SLC1A2: variants seen among roughly 807,000 people sequenced by gnomAD.
The protein encoded by SLC1A2 is excitatory amino acid transporter 2.
Under a neutral mutation model 48.8 loss-of-function variants are expected in SLC1A2, and 15 were observed. The ratio of observed to expected loss-of-function variants is 0.31; its 90% CI spans 0.21 to 0.47. The LOEUF (loss-of-function observed/expected upper bound fraction) is 0.47. SLC1A2 is among the 20% of genes least tolerant of loss of function. The probability of loss-of-function intolerance (pLI) is 0.99; values close to 1 mark genes in which losing one functional copy is unlikely to be tolerated. For synonymous variants in SLC1A2, 279 were observed against 272.6 expected, an observed-to-expected ratio of 1.02 and a Z score of -0.23; for missense variants, 502 against 730.5, an observed-to-expected ratio of 0.69 and a Z score of 3.61.
chr11:35,286,099 A>G (rs1254043308), intron 8 of SLC1A2: 1 of 152,226 alleles, frequency 6.6e-6, no homozygotes, highest in African/African-American at 2.4e-5. Context: ...CTTTAAGTTT[A>G]TGGTGAGGCA....
At chr11:35,385,076 G>C (rs1854544739) in intron 1 of SLC1A2, among the ~76,000 whole-genome samples, 1 of 152,196 alleles carries the variant, frequency 6.6e-6, no homozygotes, top group African/African-American at 2.4e-5. Context: ...ACTATATCTG[G>C]AGAATACAAT....
intron 1 of SLC1A2, among the ~76,000 whole-genome samples, chr11:35,389,140 A>G (rs113581003): frequency 5.5e-5 from 6 of 109,724 alleles, no homozygotes; most frequent in Non-Finnish European, 1.3e-4. Context: ...AAACTGAGGG[A>G]AAAAAAATAT....
At chr11:35,327,282 T>C (rs1273881450) in intron 1 of SLC1A2, among the ~76,000 whole-genome samples, 1 of 149,792 alleles carries the variant, frequency 6.7e-6, no homozygotes, top group Non-Finnish European at 1.5e-5. Context: ...AATTAAATTA[T>C]GGTGTTAGAA....
intron 8 of SLC1A2, among the ~76,000 whole-genome samples, chr11:35,281,297 C>T (rs1035249082): frequency 3.9e-5 from 6 of 152,182 alleles, no homozygotes; most frequent in African/African-American, 7.2e-5. Flanking sequence ...ATAAGGCAAG[C>T]GTGGCTCTAA....
chr11:35,415,296 A>G lies in SLC1A2; in HGVS notation c.17+3654T>C, dbSNP rs182670389. ...TGTCTTTTGGTTTTTAATAACATGG[A>G]GTTTCTGCCTCACAAGTTTCATCTG... On this transcript the variant is annotated intron_variant, in intron 1 of 10. Transcript: ENST00000278379. Among the ~76,000 whole-genome samples the G allele has an allele frequency of 1.4e-3, 207 of 152,342 alleles. 1 individual carries two copies. Among genetic ancestry groups the G allele is most frequent in the Admixed American group, 2.4e-3 (36 of 15,308 alleles).
intron 1 of SLC1A2, among the ~76,000 whole-genome samples, chr11:35,401,602 C>T (rs745643588): frequency 1.3e-4 from 20 of 152,128 alleles, no homozygotes; most frequent in Non-Finnish European, 2.4e-4. Context: ...CACTCCGTTG[C>T]TTGGGGAGCT....
At position 35,385,896 on chromosome 11, in the gene SLC1A2, G is replaced by A. The variant is rs77806165; in HGVS notation, c.17+33054C>T. 0.013 allele frequency among the ~76,000 whole-genome samples: 1,913 copies of A among 152,246 alleles called. 94 individuals carry two copies. The East Asian group carries it at 0.16, about 13-fold the overall frequency. ...AAAATAATGACAGTTGGCCCGGCGCGGTGGCTCAAGCCTGTAATCCCAGCA... is the reference window on the plus strand; with the variant it reads ...AAAATAATGACAGTTGGCCCGGCGCAGTGGCTCAAGCCTGTAATCCCAGCA... On this transcript the variant is annotated intron_variant, in intron 1 of 10. Transcript: ENST00000278379.
chr11:35,282,888 G>A (rs1177620313), intron 8 of SLC1A2, among the ~76,000 whole-genome samples: 1 of 152,158 alleles, frequency 6.6e-6, no homozygotes, highest in African/African-American at 2.4e-5. Flanking sequence ...GTCTCTGTGT[G>A]TGGAATTCTA....
chr11:35,279,069 G>A (rs574162314), intron 9 of SLC1A2, among the ~76,000 whole-genome samples: 26 of 152,324 alleles, frequency 1.7e-4, no homozygotes, highest in Admixed American at 1.5e-3. Flanking sequence ...GCCAATAAAT[G>A]TCAGAAAATT....
At position 35,255,849 on chromosome 11, in the gene SLC1A2, A is replaced by C. The variant is rs1316446142; in HGVS notation, c.*5045T>G. ...TCAAAATATCAAACTGTGAATGAAC[A>C]TGGCCAACTTTGAAGCTTGTTGTAA... is the stretch of plus-strand genomic sequence containing the variant. On this transcript the variant is annotated 3_prime_UTR_variant, in exon 11 of 11. Coordinates refer to ENST00000278379, the MANE Select transcript of SLC1A2 (RefSeq NM_004171.4). The C allele has an allele frequency of 6.6e-6, 1 of 152,242 alleles. No individual in the cohort carries two copies. The highest frequency in any genetic ancestry group is 1.5e-5 in the Non-Finnish European group (1 of 68,040). 9.4% of individuals were successfully genotyped at this position (152,242 alleles called of 1,614,324 possible). A position where few individuals can be genotyped will look rare whatever the true frequency, so the allele number is the denominator to read the frequency against.
rs569129700 is a variant in SLC1A2, at chr11:35,257,812, G to C, written c.*3082C>G. The C allele has an allele frequency of 2.4e-4, 37 of 152,292 alleles. No individual in the cohort carries two copies. Among genetic ancestry groups the C allele is most frequent in the Middle Eastern group, 3.4e-3 (1 of 294 alleles). 9.4% of individuals were successfully genotyped at this position (152,292 alleles called of 1,614,324 possible). A position where few individuals can be genotyped will look rare whatever the true frequency, so the allele number is the denominator to read the frequency against. On this transcript the variant is annotated 3_prime_UTR_variant, in exon 11 of 11. Transcript: ENST00000278379. ...GAGTCTATAGCAAAATGGCATTGCC[G>C]AAGCCCTGATTTACAGACCTTACAG... is the stretch of plus-strand genomic sequence containing the variant.
At chr11:35,282,899 A>G (rs1264433217) in intron 8 of SLC1A2, among the ~76,000 whole-genome samples, 1 of 152,162 alleles carries the variant, frequency 6.6e-6, no homozygotes, top group East Asian at 1.9e-4. Context: ...TGGAATTCTA[A>G]GCCCTGCAAG....
chr11:35,304,058 T>A (rs1851431663), intron 5 of SLC1A2, among the ~76,000 whole-genome samples: 1 of 152,202 alleles, frequency 6.6e-6, no homozygotes, highest in Non-Finnish European at 1.5e-5. Flanking sequence ...GGAAACCGTA[T>A]TCAGCTTGTA....
upstream of SLC1A2, chr11:35,419,972 G>T (rs1204949414): frequency 2.1e-6 from 1 of 468,918 alleles, no homozygotes; most frequent in Admixed American, 2.4e-5. The surrounding 1 kb of genome is among the most constrained non-coding windows in gnomAD (Gnocchi z 5.4). Flanking sequence ...AGGTCCAGCG[G>T]AGTCGAGCGG....
At chr11:35,331,676 C>T (rs1261654284) in intron 1 of SLC1A2, among the ~76,000 whole-genome samples, 2 of 152,200 alleles carry the variant, frequency 1.3e-5, no homozygotes, top group African/African-American at 4.8e-5. Flanking sequence ...TCTCTTCCCA[C>T]CTTTTCCATA....
upstream of SLC1A2, chr11:35,419,784 C>T (rs1240544888): frequency 1.3e-5 from 4 of 312,948 alleles, no homozygotes; most frequent in Non-Finnish European, 6.8e-6. The surrounding 1 kb of genome is among the most constrained non-coding windows in gnomAD (Gnocchi z 5.4). Flanking sequence ...CAGGTCACCC[C>T]GTGCGGGGTG....
intron 1 of SLC1A2, among the ~76,000 whole-genome samples, chr11:35,332,638 G>C (rs1360712284): frequency 6.6e-6 from 1 of 152,126 alleles, no homozygotes; most frequent in Non-Finnish European, 1.5e-5. Flanking sequence ...ATATATTCTA[G>C]GGCTTTGAGT....
intron 1 of SLC1A2, among the ~76,000 whole-genome samples, chr11:35,407,086 TAA>T (rs199551960): frequency 1.4e-5 from 2 of 140,404 alleles, no homozygotes; most frequent in African/African-American, 2.6e-5. Context: ...AGGTAAATCT[TAA>T]AAAAAAAAAA....
In SLC1A2 at chr11:35,251,295, T is replaced by C. The variant is rs1162162511; in HGVS notation, c.*9599A>G. 1.3e-5 allele frequency: 2 copies of C among 152,626 alleles called. No individual in the cohort carries two copies. Among genetic ancestry groups the C allele is most frequent in the African/African-American group, 4.8e-5 (2 of 41,450 alleles). The allele number at this position is 152,626 out of a possible 1,614,324, so 9.5% of individuals were successfully genotyped here. On this transcript the variant is annotated 3_prime_UTR_variant, in exon 11 of 11. Transcript: ENST00000278379. ...TTGGATTCACAGGTTATTTCCAGTA[T>C]ATAAAGAATATCCAGTTATTTTACA...
Sources: allele counts gnomAD v4.1 joint callset (sites outside exome capture counted in the v4.1 genomes callset), GRCh38; gene constraint gnomAD v4.1.1; non-coding constraint Gnocchi (gnomAD v3.1); transcripts MANE v1.5; gene names NCBI Gene and HGNC (gene_info 2026-07-23, HGNC 2026-07-21).